The following NKAIN2 variants were observed in gnomAD, a reference collection of about 807,000 sequenced individuals.
The protein encoded by NKAIN2 is sodium/potassium transporting ATPase interacting 2, also known as sodium/potassium-transporting ATPase subunit beta-1-interacting protein 2.
Under a neutral mutation model 32.6 loss-of-function variants are expected in NKAIN2, and 14 were observed. The ratio of observed to expected loss-of-function variants is 0.43; its 90% confidence interval spans 0.28 to 0.67. The LOEUF is 0.67. Among genes scored for constraint, NKAIN2 ranks in the 30% least tolerant of loss-of-function variants. The pLI is 0.17. For missense variants in NKAIN2, 198 were observed against 258.3 expected (o/e 0.77, Z 1.60); for synonymous variants, 80 against 87.2 (o/e 0.92, Z 0.46).
intron 3 of NKAIN2, among the ~76,000 whole-genome samples, chr6:124,564,968 A>C (rs1780850480): frequency 6.6e-6 from 1 of 152,112 alleles, no homozygotes; most frequent in Non-Finnish European, 1.5e-5. Context: ...TTTAACAACT[A>C]ATAAAAACTT....
chr6:123,848,475 G>A (rs986879137), intron 1 of NKAIN2, among the ~76,000 whole-genome samples: 7 of 152,296 alleles, frequency 4.6e-5, no homozygotes, highest in Admixed American at 6.5e-5. Flanking sequence ...GTTCTCACAA[G>A]ATCTGATGGT....
At chr6:124,415,295 T>C (rs117364860) in intron 3 of NKAIN2, among the ~76,000 whole-genome samples, 32 of 152,312 alleles carry the variant, frequency 2.1e-4, no homozygotes, top group Non-Finnish European at 4.0e-4. Context: ...CTTCTTGAAG[T>C]TGACTAATTT....
intron 4 of NKAIN2, among the ~76,000 whole-genome samples, chr6:124,756,640 C>T (rs762652208): frequency 1.6e-5 from 1 of 61,774 alleles, no homozygotes; most frequent in Non-Finnish European, 3.4e-5. Context: ...TATAAATAAA[C>T]AAATGCAATT....
chr6:124,276,131 G>A (rs761197465), intron 1 of NKAIN2, among the ~76,000 whole-genome samples: 80 of 151,870 alleles, frequency 5.3e-4, no homozygotes, highest in Non-Finnish European at 9.7e-4. Context: ...TTGTGGTGGC[G>A]GTGGTGATTT....
chr6:124,608,577 T>C (rs1671377403), intron 3 of NKAIN2, among the ~76,000 whole-genome samples: 1 of 152,284 alleles, frequency 6.6e-6, no homozygotes. Flanking sequence ...AATCCAATAA[T>C]TTCCTGCAGA....
intron 1 of NKAIN2, among the ~76,000 whole-genome samples, chr6:123,843,921 T>C (rs1320854959): frequency 2.6e-5 from 4 of 152,128 alleles, no homozygotes. Context: ...GGGCATGATT[T>C]TGACCTCGAT....
intron 1 of NKAIN2, among the ~76,000 whole-genome samples, chr6:124,094,355 T>G (rs1027363175): frequency 3.3e-5 from 5 of 152,182 alleles, no homozygotes; most frequent in African/African-American, 1.2e-4. Context: ...ACTCTAATTC[T>G]GAAATATTTT....
chr6:124,342,575 T>G (rs1297532347), intron 2 of NKAIN2, among the ~76,000 whole-genome samples: 2 of 152,048 alleles, frequency 1.3e-5, no homozygotes, highest in Non-Finnish European at 2.9e-5. Context: ...TGGGATGATC[T>G]TGGCTCACTG....
At chr6:123,892,142 G>C (rs144622840) in intron 1 of NKAIN2, among the ~76,000 whole-genome samples, 2 of 152,198 alleles carry the variant, frequency 1.3e-5, no homozygotes, top group East Asian at 3.9e-4. Context: ...AAGAAAGTGA[G>C]GGCTCCATTA....
chr6:124,725,394 G>C (rs896948767), intron 4 of NKAIN2, among the ~76,000 whole-genome samples: 1 of 151,992 alleles, frequency 6.6e-6, no homozygotes, highest in Non-Finnish European at 1.5e-5. Context: ...GTGAGCCATC[G>C]CACCCAGCCC....
chr6:124,132,117 T>G (rs1191941273), intron 1 of NKAIN2, among the ~76,000 whole-genome samples: 1 of 152,150 alleles, frequency 6.6e-6, no homozygotes, highest in Admixed American at 6.5e-5. Flanking sequence ...GAATGAGAGC[T>G]GGGTGAGGCC....
rs369357848 is a variant in NKAIN2, at chr6:124,405,256, C to A, written c.273+49909C>A. 4.5e-4 allele frequency among the ~76,000 whole-genome samples: 68 copies of A among 152,196 alleles called. 1 individual carries two copies. The East Asian group carries it at 9.8e-3, about 22-fold the overall frequency. On this transcript the variant is annotated intron_variant, in intron 3 of 6. Coordinates refer to ENST00000368417, the MANE Select transcript of NKAIN2 (RefSeq NM_001040214.3). ...AATTTTGCAAAATATGGTAAAACCA[C>A]AAATAATCTCAATAATACTTAGATT...
chr6:124,444,846 A>G (rs560466845), intron 3 of NKAIN2, among the ~76,000 whole-genome samples: 1 of 152,146 alleles, frequency 6.6e-6, no homozygotes, highest in African/African-American at 2.4e-5. Context: ...GAATTTTAAG[A>G]AATTTCTTAT....
At chr6:124,169,451 T>C (rs1383099740) in intron 1 of NKAIN2, among the ~76,000 whole-genome samples, 1 of 152,202 alleles carries the variant, frequency 6.6e-6, no homozygotes, top group Non-Finnish European at 1.5e-5. Context: ...ATGGCTGATC[T>C]AGAATTGCTA....
At chr6:124,733,727 C>A (rs1411029425) in intron 4 of NKAIN2, among the ~76,000 whole-genome samples, 1 of 151,462 alleles carries the variant, frequency 6.6e-6, no homozygotes, top group Admixed American at 6.6e-5. Flanking sequence ...TCATATTTAG[C>A]TGAATATAGA....
chr6:123,986,702 A>G (rs1348186938), intron 1 of NKAIN2, among the ~76,000 whole-genome samples: 1 of 152,150 alleles, frequency 6.6e-6, no homozygotes, highest in African/African-American at 2.4e-5. Flanking sequence ...GGTAATTCCC[A>G]TTCACATCTA....
At chr6:124,222,172 C>A (rs575464946) in intron 1 of NKAIN2, among the ~76,000 whole-genome samples, 2 of 152,132 alleles carry the variant, frequency 1.3e-5, no homozygotes, top group East Asian at 3.9e-4. Flanking sequence ...CAGGAAAAAG[C>A]AAAGACAACT....
chr6:124,144,477 CAG>C (rs145880760), intron 1 of NKAIN2, among the ~76,000 whole-genome samples: 2,635 of 152,170 alleles, frequency 0.017, 63 homozygotes, highest in African/African-American at 0.049. Context: ...GAAATAGACT[CAG>C]ATAAATATTC....
chr6:124,558,111 C>G (rs945128991), intron 3 of NKAIN2, among the ~76,000 whole-genome samples: 18 of 152,184 alleles, frequency 1.2e-4, no homozygotes, highest in Admixed American at 3.3e-4. Context: ...ACCTTTCTCT[C>G]TGCAGTTTAT....
Sources: allele counts gnomAD v4.1 joint callset (sites outside exome capture counted in the v4.1 genomes callset), GRCh38; gene constraint gnomAD v4.1.1; transcripts MANE v1.5; gene names NCBI Gene and HGNC (gene_info 2026-07-23, HGNC 2026-07-21).